The following NTN1 variants were observed in gnomAD, a reference collection of about 807,000 sequenced individuals.
NTN1 encodes the protein netrin-1.
In NTN1, 11 loss-of-function variants were observed where a neutral mutation model predicts 54.2. The ratio of observed to expected loss-of-function variants is 0.20; its 90% confidence interval spans 0.13 to 0.34. NTN1 has a LOEUF of 0.34. NTN1 is among the 10% of genes least tolerant of loss of function. The probability of loss-of-function intolerance (pLI) is 1.00; values close to 1 mark genes in which losing one functional copy is unlikely to be tolerated. For missense variants in NTN1, 740 were observed against 893.1 expected (o/e 0.83, Z 2.18); for synonymous variants, 371 against 382.0 (o/e 0.97, Z 0.33).
intron 5 of NTN1, among the ~76,000 whole-genome samples, chr17:9,186,014 G>A (rs980730279): frequency 6.6e-6 from 1 of 151,768 alleles, no homozygotes. Flanking sequence ...AGCTCCTCCT[G>A]CTGGGGTTTC....
At chr17:9,206,627 C>A (rs537199562) in intron 5 of NTN1, among the ~76,000 whole-genome samples, 110 of 152,354 alleles carry the variant, frequency 7.2e-4, no homozygotes, top group African/African-American at 2.6e-3. Flanking sequence ...CCAGGCCAGG[C>A]AGCCTGGGAG....
In NTN1 at chr17:9,022,905, T is replaced by A. The variant is rs1331045767; in HGVS notation, c.532T>A (p.Ser178Thr). ...GRTWVPFQFY[S>T]TQCRKMYNRP... ...CACGTGGGTGCCCTTCCAGTTCTACTCCACGCAGTGCCGCAAGATGTACAA... is the reference window on the plus strand; with the variant it reads ...CACGTGGGTGCCCTTCCAGTTCTACACCACGCAGTGCCGCAAGATGTACAA... The change falls in exon 2 of 7, where the codon TCC becomes ACC. Residue 178 changes from serine (S) to threonine (T), a missense_variant. By Grantham distance (58) the Ser-to-Thr change is moderately conservative. Coordinates refer to ENST00000173229, the MANE Select transcript of NTN1 (RefSeq NM_004822.3). 1 of 1,612,100 alleles carries A rather than the reference T, an allele frequency of 6.2e-7. No homozygotes were observed. Among genetic ancestry groups the A allele is most frequent in the South Asian group, 1.1e-5 (1 of 91,032 alleles).
chr17:9,165,540 C>T lies in NTN1; in HGVS notation c.1207+2539C>T, dbSNP rs1311352162. ...AGCCATGGACAGCAGCTGCCCCGGC[C>T]TTGGTGGGAACCCTGGGAGAATAAC... is the stretch of plus-strand genomic sequence containing the variant. On this transcript the variant is annotated intron_variant, in intron 3 of 6. Coordinates refer to ENST00000173229, the MANE Select transcript of NTN1 (RefSeq NM_004822.3). This position sits in a 1 kb window ranked among gnomAD's most constrained non-coding sequence, Gnocchi z 4.5. Among the ~76,000 whole-genome samples, 3 of 152,200 alleles carry T rather than the reference C, an allele frequency of 2.0e-5. No individual in the cohort carries two copies. The highest frequency in any genetic ancestry group is 7.2e-5 in the African/African-American group (3 of 41,452).
At chr17:9,161,522 A>G (rs1268057310) in intron 2 of NTN1, among the ~76,000 whole-genome samples, 1 of 152,010 alleles carries the variant, frequency 6.6e-6, no homozygotes, top group Non-Finnish European at 1.5e-5. Flanking sequence ...GCTCACGGCT[A>G]TCATCCCAGC....
chr17:9,005,028 C>T, the NTN1 span, among the ~76,000 whole-genome samples: 1 of 152,182 alleles, frequency 6.6e-6, no homozygotes, highest in East Asian at 1.9e-4. Flanking sequence ...AATGAGATCA[C>T]ATGTGGCCCC....
At chr17:9,101,693 G>A (rs924731669) in intron 2 of NTN1, among the ~76,000 whole-genome samples, 5 of 152,194 alleles carry the variant, frequency 3.3e-5, no homozygotes, top group African/African-American at 1.2e-4. Context: ...TTGGGGGATT[G>A]TGAACTGCAC....
At chr17:9,102,481 C>T (rs1441358245) in intron 2 of NTN1, among the ~76,000 whole-genome samples, 1 of 152,170 alleles carries the variant, frequency 6.6e-6, no homozygotes, top group African/African-American at 2.4e-5. Context: ...CCTGGTCCTT[C>T]CCATATCCCC....
intron 2 of NTN1, among the ~76,000 whole-genome samples, chr17:9,134,125 G>C (rs1019024426): frequency 6.6e-6 from 1 of 151,638 alleles, no homozygotes; most frequent in African/African-American, 2.4e-5. Flanking sequence ...GGCTGGTCTT[G>C]AACTCCTGAC....
At chr17:9,215,612 G>C (rs1366172890) in intron 5 of NTN1, among the ~76,000 whole-genome samples, 1 of 152,090 alleles carries the variant, frequency 6.6e-6, no homozygotes, top group Admixed American at 6.5e-5. Context: ...TCTTTATTGT[G>C]GCCTATATAG....
upstream of NTN1, among the ~76,000 whole-genome samples, chr17:9,016,922 C>T (rs1320235628): frequency 6.6e-6 from 1 of 152,110 alleles, no homozygotes. Flanking sequence ...TTCAATAGGC[C>T]CTTTAATTCT....
intron 3 of NTN1, chr17:9,174,112 C>A (rs2092394136): frequency 6.6e-6 from 1 of 152,330 alleles, no homozygotes; most frequent in Admixed American, 6.5e-5. Flanking sequence ...GAGAACAGCC[C>A]TCAGATGGTC....
At chr17:9,064,486 A>T (rs2092008631) in intron 2 of NTN1, among the ~76,000 whole-genome samples, 5 of 152,160 alleles carry the variant, frequency 3.3e-5, no homozygotes. Flanking sequence ...TGCTCAGGCC[A>T]GATACCTAGG....
In NTN1 at chr17:9,134,853, G is replaced by A. The variant is rs76883727; in HGVS notation, c.1019-27960G>A. Among the ~76,000 whole-genome samples, 1,306 of 152,274 alleles carry A rather than the reference G, an allele frequency of 8.6e-3. 36 individuals carry two copies. The East Asian group carries it at 0.12, about 14-fold the overall frequency. ...TGCAGACTGGAAATGAACCTACCAG[G>A]ACTTCTCAATAAAGCGTCTTCCTCC... On this transcript the variant is annotated intron_variant, in intron 2 of 6. Coordinates refer to ENST00000173229, the MANE Select transcript of NTN1 (RefSeq NM_004822.3).
chr17:9,048,337 GC>G (rs777244552), intron 2 of NTN1, among the ~76,000 whole-genome samples: 15 of 150,754 alleles, frequency 9.9e-5, no homozygotes, highest in Admixed American at 6.6e-5. Flanking sequence ...TTCTTTCTGA[GC>G]AGTAGGTCTC....
the NTN1 span, among the ~76,000 whole-genome samples, chr17:9,006,237 G>T: frequency 6.6e-6 from 1 of 152,238 alleles, no homozygotes; most frequent in African/African-American, 2.4e-5. Flanking sequence ...GCTGCGAATT[G>T]TAAAACTGGG....
chr17:9,020,227 C>G (rs575200548), upstream of NTN1, among the ~76,000 whole-genome samples: 13 of 152,384 alleles, frequency 8.5e-5, no homozygotes, highest in Middle Eastern at 3.4e-3. Flanking sequence ...TGGGCCGGAA[C>G]CAGGACCTGG....
chr17:9,157,821 C>T (rs558249737), intron 2 of NTN1, among the ~76,000 whole-genome samples: 2 of 152,346 alleles, frequency 1.3e-5, no homozygotes, highest in South Asian at 4.1e-4. Context: ...TCTGGGCTGA[C>T]CTCTCTGTTC....
chr17:9,022,589 G>GC lies in NTN1; in HGVS notation c.221dup (p.Ala75GlyfsTer268). 6.5e-7 allele frequency: 1 copy of GC among 1,545,514 alleles called. No homozygotes were observed. ...TGCGCGTGTCCAGCACCTGCGGCCG[G>GC]CCCCCGGCGCGCTACTGCGTGGTGA... On this transcript the variant is annotated frameshift_variant, in exon 2 of 7. Coordinates refer to ENST00000173229, the MANE Select transcript of NTN1 (RefSeq NM_004822.3). LOFTEE classifies it high-confidence loss of function.
rs567052870 is a variant in NTN1, at chr17:9,220,751, C to T, written c.1412-417C>T. ...GGCCTGACCCCAGCCAGAGGCTCCG[C>T]ACCATGAAAGCCAGCGCCTGACACA... On this transcript the variant is annotated intron_variant, in intron 5 of 6. Coordinates refer to ENST00000173229, the MANE Select transcript of NTN1 (RefSeq NM_004822.3). 2.4e-4 allele frequency among the ~76,000 whole-genome samples: 37 copies of T among 152,226 alleles called. 1 individual carries two copies. The South Asian group carries it at 7.7e-3, about 32-fold the overall frequency.
Sources: gnomAD v4.1 joint callset for allele counts (sites outside exome capture counted in the v4.1 genomes callset) on GRCh38, gnomAD v4.1.1 for gene constraint, Gnocchi (gnomAD v3.1) non-coding constraint, MANE v1.5 for transcripts, NCBI Gene and HGNC (gene_info 2026-07-23, HGNC 2026-07-21) for gene names.